Variants in UBTF observed in about 807,000 individuals in gnomAD.
UBTF encodes nucleolar transcription factor 1.
A neutral mutation model predicts 112.3 loss-of-function variants in UBTF; 8 were observed. The observed-to-expected ratio is 0.07, with a 90% CI of 0.04 to 0.13. The LOEUF (loss-of-function observed/expected upper bound fraction) is 0.13. UBTF is among the 10% of genes least tolerant of loss of function. The probability of loss-of-function intolerance (pLI) is 1.00; values close to 1 mark genes in which losing one functional copy is unlikely to be tolerated. For missense variants in UBTF, 457 were observed against 982.1 expected (o/e 0.47, Z 7.15); for synonymous variants, 417 against 373.1 (o/e 1.12, Z -1.36).
In UBTF at chr17:44,210,489, G is replaced by C; in HGVS notation, c.1360-16C>G. 6.3e-7 allele frequency: 1 copy of C among 1,582,676 alleles called. No homozygotes were observed. Among genetic ancestry groups the C allele is most frequent in the Non-Finnish European group, 8.5e-7 (1 of 1,171,086 alleles). On this transcript the variant is annotated splice_polypyrimidine_tract_variant and intron_variant, in intron 13 of 20. Transcript: ENST00000436088. ...TGTACTTGGCCTGCGGGGATGGCCC[G>C]GGCGTCAGCCTTCCACCCACCCCCA... is the stretch of plus-strand genomic sequence containing the variant.
At position 44,213,376 on chromosome 17, in the gene UBTF, G is replaced by A; in HGVS notation, c.475-94C>T. ...CAGACCCCTCCTCGCTGGCTCTTCTGCCTCCCACGCTGTGATGCAGGGAGT... is the reference window on the plus strand; with the variant it reads ...CAGACCCCTCCTCGCTGGCTCTTCTACCTCCCACGCTGTGATGCAGGGAGT... On this transcript the variant is annotated intron_variant, in intron 5 of 20. Transcript: ENST00000436088. The A allele has an allele frequency of 6.7e-6, 9 of 1,348,740 alleles. No individual in the cohort carries two copies. In the South Asian group the frequency reaches 8.1e-5, roughly 12 times the overall value. 83.5% of individuals were successfully genotyped at this position (1,348,740 alleles called of 1,614,324 possible).
At chr17:44,214,863 CTTCT>C (rs1476929014) in intron 5 of UBTF, among the ~76,000 whole-genome samples, 5 of 152,186 alleles carry the variant, frequency 3.3e-5, no homozygotes, top group Admixed American at 6.5e-5. Flanking sequence ...TCCCGTGTCT[CTTCT>C]TTGTGTCCTC....
rs376120812 is a variant in UBTF at position 44,210,187 on chromosome 17, G to A, written c.1563C>T (p.Asn521=). The change falls in exon 15 of 21, where the codon AAC becomes AAT. Residue 521 remains asparagine, a synonymous_variant. Coordinates refer to ENST00000436088, the MANE Select transcript of UBTF (RefSeq NM_014233.4). The part of the protein sequence containing the change: ...ALKAMEMTWN[N]MEKKEKLMWI... ...ACATCAGTTTCTCCTTCTTTTCCATGTTATTCCAGGTCATTTCCATGGCTT... is the reference window on the plus strand; with the variant it reads ...ACATCAGTTTCTCCTTCTTTTCCATATTATTCCAGGTCATTTCCATGGCTT... The A allele has an allele frequency of 3.5e-5, 57 of 1,614,096 alleles. No individual in the cohort carries two copies. The highest frequency in any genetic ancestry group is 4.6e-5 in the Non-Finnish European group (54 of 1,180,052).
In UBTF at chr17:44,207,690, G is replaced by A. The variant is rs1201778952; in HGVS notation, c.2025+9C>T. 1.2e-6 allele frequency: 2 copies of A among 1,614,056 alleles called. No homozygotes were observed. The highest frequency in any genetic ancestry group is 1.7e-6 in the Non-Finnish European group (2 of 1,180,038). ...CCCCACGCCCCTGCATCTGGGAGGG[G>A]CTCCTTACCGACTTGGACTGCAGAG... is the stretch of plus-strand genomic sequence containing the variant. On this transcript the variant is annotated intron_variant, in intron 19 of 20. Transcript: ENST00000436088.
At position 44,218,156 on chromosome 17, in the gene UBTF, G is replaced by A. The variant is rs1185461735; in HGVS notation, c.58+16C>T. The A allele has an allele frequency of 3.7e-6, 6 of 1,611,670 alleles. No individual in the cohort carries two copies. Among genetic ancestry groups the A allele is most frequent in the Non-Finnish European group, 5.1e-6 (6 of 1,178,726 alleles). On this transcript the variant is annotated intron_variant, in intron 2 of 20. Coordinates refer to ENST00000436088, the MANE Select transcript of UBTF (RefSeq NM_014233.4). Reference sequence around the variant, plus strand: ...GAGGGTTTAAGTTTCAGAGGGCCGGGGGTGGATGCCCCTACCTTGGCCTTT... The same window carrying A: ...GAGGGTTTAAGTTTCAGAGGGCCGGAGGTGGATGCCCCTACCTTGGCCTTT...
At chr17:44,220,021 G>GGGT (rs1340589154), upstream of UBTF, among the ~76,000 whole-genome samples, 14 of 147,236 alleles carry the variant, frequency 9.5e-5, no homozygotes, top group Non-Finnish European at 1.5e-4. Context: ...GAGGGGAGGG[G>GGGT]GGTGGTGGTG....
chr17:44,207,809 G>T, intron 18 of UBTF, 39 bp from the exon 19 acceptor site: 1 of 1,614,086 alleles, frequency 6.2e-7, no homozygotes, highest in Non-Finnish European at 8.5e-7. Context: ...CCATGAGTTC[G>T]ACACCCCTGA....
At position 44,205,224 on chromosome 17, in the gene UBTF, G is replaced by A. The variant is rs1007307287; in HGVS notation, c.*2018C>T. ...AAAAGAAGTTGGGGGTGGGGATGGG[G>A]GTCTTCCCACCCCAGCCATCCCATC... is the stretch of plus-strand genomic sequence containing the variant. On this transcript the variant is annotated 3_prime_UTR_variant, in exon 21 of 21. Transcript: ENST00000436088. The A allele has an allele frequency of 6.6e-6, 1 of 152,492 alleles. No individual in the cohort carries two copies. The highest frequency in any genetic ancestry group is 2.4e-5 in the African/African-American group (1 of 41,400). 9.4% of individuals were successfully genotyped at this position (152,492 alleles called of 1,614,324 possible).
At chr17:44,214,466 C>T (rs2046745614) in intron 5 of UBTF, among the ~76,000 whole-genome samples, 1 of 152,254 alleles carries the variant, frequency 6.6e-6, no homozygotes, top group African/African-American at 2.4e-5. Context: ...CCCAGGACAG[C>T]ACCTTGTCCA....
Position 44,209,173 on chromosome 17 carries a change from T to TA in UBTF, c.1905+178dup, listed in dbSNP as rs67856160. 145,476 of 529,392 alleles carry TA rather than the reference T, an allele frequency of 0.27. 11,190 individuals carry two copies. Among genetic ancestry groups the TA allele is most frequent in the East Asian group, 0.53 (13,273 of 25,120 alleles). 32.8% of individuals were successfully genotyped at this position (529,392 alleles called of 1,614,324 possible). A position where few individuals can be genotyped will look rare whatever the true frequency, so the allele number is the denominator to read the frequency against. On this transcript the variant is annotated intron_variant, in intron 17 of 20. Transcript: ENST00000436088. Reference sequence around the variant, plus strand: ...AGGAGAGCAAGACTGTCTCAAAAAATAAAAAAAAAAATAAAAATAAAAGGG... The same window carrying TA: ...AGGAGAGCAAGACTGTCTCAAAAAATAAAAAAAAAAAATAAAAATAAAAGGG...
Position 44,211,400 on chromosome 17 carries a change from G to T in UBTF, c.1048-69C>A. ...ACCACAGACCCTGCAGTACTCGGAG[G>T]ACAGTGACCTTCAGCGGGCCTCCAG... On this transcript the variant is annotated intron_variant, in intron 10 of 20. Transcript: ENST00000436088. The surrounding 1 kb of genome is among the most constrained non-coding windows in gnomAD (Gnocchi z 4.9). 1.2e-6 allele frequency: 2 copies of T among 1,603,786 alleles called. No individual in the cohort carries two copies. The highest frequency in any genetic ancestry group is 8.5e-7 in the Non-Finnish European group (1 of 1,172,854).
In UBTF at chr17:44,210,898, G is replaced by A; in HGVS notation, c.1253C>T (p.Ser418Leu). The A allele has an allele frequency of 6.2e-7, 1 of 1,604,096 alleles. No individual in the cohort carries two copies. Among genetic ancestry groups the A allele is most frequent in the Non-Finnish European group, 8.5e-7 (1 of 1,176,022 alleles). ...KRPVSAMFIF[S>L]EEKRRQLQEE... ...CTGCAGCTGCCGCCGTTTCTCCTCC[G>A]AGAAGATGAACATGGCCGACACGGG... Residue 418 changes from serine to leucine, a missense_variant, in exon 13 of 21, where the codon TCG becomes TTG. Coordinates refer to ENST00000436088, the MANE Select transcript of UBTF (RefSeq NM_014233.4).
chr17:44,208,171 C>G (rs2144525481), intron 17 of UBTF, among the ~76,000 whole-genome samples: 1 of 147,400 alleles, frequency 6.8e-6, no homozygotes, highest in East Asian at 2.0e-4. Context: ...GGCACAATCT[C>G]AGCTCACTGC....
chr17:44,220,313 C>G (rs1254412295), upstream of UBTF, among the ~76,000 whole-genome samples: 2 of 151,960 alleles, frequency 1.3e-5, no homozygotes, highest in African/African-American at 4.8e-5. Flanking sequence ...CCGGAGCTCT[C>G]CCCCAAGTTC....
At position 44,216,613 on chromosome 17, in the gene UBTF, T is replaced by C. The variant is rs2046856831; in HGVS notation, c.150A>G (p.Glu50=). ...CTACTTTTTCCCAGTCCATGTGTGA[T>C]TCGGTGGTTTTGAACTTGGAGCTGT... The part of the protein sequence containing the change: ...SNDSSKFKTT[E]SHMDWEKVAF... Residue 50 remains glutamate (E), a synonymous_variant, in exon 3 of 21, where the codon GAA becomes GAG. Transcript: ENST00000436088. 1 of 1,613,940 alleles carries C rather than the reference T, an allele frequency of 6.2e-7. No homozygotes were observed. Among genetic ancestry groups the C allele is most frequent in the African/African-American group, 1.3e-5 (1 of 74,870 alleles).
chr17:44,210,906 G>A lies in UBTF; in HGVS notation c.1245C>T (p.Phe415=), dbSNP rs1032007216. The A allele has an allele frequency of 3.1e-6, 5 of 1,606,510 alleles. No homozygotes were observed. Among genetic ancestry groups the A allele is most frequent in the Non-Finnish European group, 4.2e-6 (5 of 1,177,626 alleles). The part of the protein sequence containing the change: ...EKPKRPVSAM[F]IFSEEKRRQL... Reference sequence around the variant, plus strand: ...GCCGCCGTTTCTCCTCCGAGAAGATGAACATGGCCGACACGGGCCGCTTGG... The same window carrying A: ...GCCGCCGTTTCTCCTCCGAGAAGATAAACATGGCCGACACGGGCCGCTTGG... Residue 415 remains phenylalanine (F), a synonymous_variant, in exon 13 of 21, where the codon TTC becomes TTT. Transcript: ENST00000436088.
At chr17:44,210,980 T>G in intron 12 of UBTF, 33 bp from the exon 13 acceptor site, 1 of 1,600,604 alleles carries the variant, frequency 6.2e-7, no homozygotes, top group Non-Finnish European at 8.5e-7. Context: ...GGTCCGTGGG[T>G]GCTGCCAGGG....
At position 44,211,508 on chromosome 17, in the gene UBTF, T is replaced by C. The variant is rs1016233580; in HGVS notation, c.1047+98A>G. The C allele has an allele frequency of 6.4e-7, 1 of 1,559,470 alleles. No homozygotes were observed. Among genetic ancestry groups the C allele is most frequent in the Non-Finnish European group, 8.7e-7 (1 of 1,150,882 alleles). On this transcript the variant is annotated intron_variant, in intron 10 of 20. Transcript: ENST00000436088. This position sits in a 1 kb window ranked among gnomAD's most constrained non-coding sequence, Gnocchi z 4.9. The stretch of plus-strand genomic sequence containing the variant: ...AGCCCCACACTGTATTGGAGGCAGG[T>C]ACCCAAGGCACACGCCACCAGGGAC...
chr17:44,211,525 A>G lies in UBTF; in HGVS notation c.1047+81T>C, dbSNP rs972101328. The G allele has an allele frequency of 1.3e-6, 2 of 1,568,624 alleles. No individual in the cohort carries two copies. The highest frequency in any genetic ancestry group is 4.5e-5 in the East Asian group (2 of 44,492). ...GAGGCAGGTACCCAAGGCACACGCC[A>G]CCAGGGACTGACTGGCCCAAGATGG... is the stretch of plus-strand genomic sequence containing the variant. On this transcript the variant is annotated intron_variant, in intron 10 of 20. Coordinates refer to ENST00000436088, the MANE Select transcript of UBTF (RefSeq NM_014233.4). This position sits in a 1 kb window ranked among gnomAD's most constrained non-coding sequence, Gnocchi z 4.9.
Sources: allele counts gnomAD v4.1 joint callset (sites outside exome capture counted in the v4.1 genomes callset), GRCh38; gene constraint gnomAD v4.1.1; non-coding constraint Gnocchi (gnomAD v3.1); transcripts MANE v1.5; gene names NCBI Gene and HGNC (gene_info 2026-07-23, HGNC 2026-07-21).